NFIB: variants seen among roughly 807,000 people sequenced by gnomAD.
NFIB encodes nuclear factor I B, also known as nuclear factor 1 B-type.
Under a neutral mutation model 61.5 loss-of-function variants are expected in NFIB, and 11 were observed. The observed-to-expected ratio is 0.18, with a 90% CI of 0.11 to 0.30. The LOEUF is 0.30. NFIB is among the 10% of genes least tolerant of loss of function. NFIB has a pLI of 1.00. For missense variants in NFIB, 471 were observed against 608.9 expected (o/e 0.77, Z 2.38); for synonymous variants, 260 against 216.5 (o/e 1.20, Z -1.76).
the NFIB span, among the ~76,000 whole-genome samples, chr9:14,414,327 C>T: frequency 6.7e-6 from 1 of 149,556 alleles, no homozygotes; most frequent in East Asian, 2.0e-4. Context: ...CCTAGCTACT[C>T]GGGAGGCTGA....
intron 2 of NFIB, among the ~76,000 whole-genome samples, chr9:14,295,548 G>A (rs1230201107): frequency 6.6e-6 from 1 of 151,962 alleles, no homozygotes; most frequent in Admixed American, 6.6e-5. Flanking sequence ...GGAGAATGGC[G>A]TGAACCCGGG....
chr9:14,510,181 C>T, the NFIB span, among the ~76,000 whole-genome samples: 1 of 152,334 alleles, frequency 6.6e-6, no homozygotes, highest in Admixed American at 6.5e-5. Context: ...CAGGCGTGAG[C>T]CACCGTGCCC....
At chr9:14,440,392 A>G in the NFIB span, among the ~76,000 whole-genome samples, 1 of 151,886 alleles carries the variant, frequency 6.6e-6, no homozygotes, top group African/African-American at 2.4e-5. Context: ...TAATTGGCCT[A>G]TTTTTTTTAT....
chr9:14,528,942 C>A, the NFIB span, among the ~76,000 whole-genome samples: 1 of 152,092 alleles, frequency 6.6e-6, no homozygotes, highest in Non-Finnish European at 1.5e-5. Flanking sequence ...CAACAGAACT[C>A]TAAATATAGC....
Position 14,112,995 on chromosome 9 carries a change from C to A in NFIB, c.1467+4G>T. The A allele has an allele frequency of 6.5e-7, 1 of 1,549,812 alleles. No homozygotes were observed. The highest frequency in any genetic ancestry group is 8.7e-7 in the Non-Finnish European group (1 of 1,146,624). ...ACCGTCACACCTGGGTGAAACTTGCCCACCTGTTGCTGATGTAGGAAGGAT... is the reference window on the plus strand; with the variant it reads ...ACCGTCACACCTGGGTGAAACTTGCACACCTGTTGCTGATGTAGGAAGGAT... On this transcript the variant is annotated splice_donor_region_variant and intron_variant, in intron 10 of 10. Transcript: ENST00000380953.
At chr9:14,158,574 A>G (rs1401540640) in intron 3 of NFIB, among the ~76,000 whole-genome samples, 2 of 152,214 alleles carry the variant, frequency 1.3e-5, no homozygotes, top group African/African-American at 4.8e-5. Flanking sequence ...CGTTGCCTAT[A>G]TATAGAGTAA....
At chr9:14,513,636 AAAAGAAAAAG>A in the NFIB span, among the ~76,000 whole-genome samples, 28 of 143,776 alleles carry the variant, frequency 1.9e-4, no homozygotes, top group Middle Eastern at 3.8e-3. Context: ...TCAAAAAAAA[AAAAGAAAAAG>A]AAAAGAAAAA....
At chr9:14,112,928 G>T in intron 10 of NFIB, 71 bp downstream of exon 10, 1 of 1,442,324 alleles carries the variant, frequency 6.9e-7, no homozygotes, top group Non-Finnish European at 9.5e-7. Context: ...GTCCGGATCT[G>T]AGAGGCAACA....
chr9:14,316,361 G>A (rs1051188380), upstream of NFIB, among the ~76,000 whole-genome samples: 2 of 151,596 alleles, frequency 1.3e-5, no homozygotes, highest in African/African-American at 4.8e-5. Flanking sequence ...GGGGAGTTCG[G>A]GAGGCCGGGG....
intron 3 of NFIB, among the ~76,000 whole-genome samples, chr9:14,168,262 T>A (rs936348835): frequency 6.6e-6 from 1 of 152,170 alleles, no homozygotes; most frequent in Admixed American, 6.5e-5. Context: ...AGGCATTGCC[T>A]TGGATGATAG....
intron 1 of NFIB, among the ~76,000 whole-genome samples, chr9:14,326,720 T>C (rs1588314309): frequency 1.4e-5 from 2 of 140,488 alleles, no homozygotes; most frequent in Non-Finnish European, 3.1e-5. Flanking sequence ...AAAAAAAGCC[T>C]GCAGTTATGA....
chr9:14,158,469 T>G (rs1209204847), intron 3 of NFIB, among the ~76,000 whole-genome samples: 1 of 152,234 alleles, frequency 6.6e-6, no homozygotes, highest in South Asian at 2.1e-4. Context: ...AGAGATCTGT[T>G]TTCAAGTCTT....
chr9:14,427,951 T>TTTTG, the NFIB span, among the ~76,000 whole-genome samples: 52 of 112,894 alleles, frequency 4.6e-4, no homozygotes, highest in African/African-American at 1.7e-3. Flanking sequence ...TTTTTTTTTT[T>TTTTG]TTTTTTTTTT....
chr9:14,390,032 T>C (rs1289928749), intron 1 of NFIB, among the ~76,000 whole-genome samples: 1 of 152,168 alleles, frequency 6.6e-6, no homozygotes, highest in Non-Finnish European at 1.5e-5. Flanking sequence ...TAAAGTGCCA[T>C]TGTCTTAAAC....
chr9:14,171,768 G>T (rs1045069606), intron 3 of NFIB, among the ~76,000 whole-genome samples: 6 of 152,168 alleles, frequency 3.9e-5, no homozygotes, highest in African/African-American at 1.2e-4. Flanking sequence ...TTAAATTGGA[G>T]TTAACCATGA....
At chr9:14,406,683 A>G in the NFIB span, among the ~76,000 whole-genome samples, 2 of 152,170 alleles carry the variant, frequency 1.3e-5, no homozygotes, top group South Asian at 2.1e-4. Flanking sequence ...TTTCTGCCCA[A>G]TGAAATGTAG....
At chr9:14,506,688 C>T in the NFIB span, among the ~76,000 whole-genome samples, 1 of 152,002 alleles carries the variant, frequency 6.6e-6, no homozygotes, top group Non-Finnish European at 1.5e-5. Context: ...CATTTTCCAT[C>T]CTTACTGTAC....
intron 1 of NFIB, among the ~76,000 whole-genome samples, chr9:14,381,672 G>T (rs1360508907): frequency 3.9e-5 from 6 of 152,148 alleles, no homozygotes; most frequent in South Asian, 4.1e-4. Context: ...TTTTACCTAC[G>T]GCCTAGGACA....
the NFIB span, among the ~76,000 whole-genome samples, chr9:14,497,809 G>T: frequency 6.6e-6 from 1 of 152,184 alleles, no homozygotes; most frequent in Non-Finnish European, 1.5e-5. Context: ...CTTGCAGGAA[G>T]AGTGAGGGTC....
Sources: allele counts gnomAD v4.1 joint callset (sites outside exome capture counted in the v4.1 genomes callset), GRCh38; gene constraint gnomAD v4.1.1; transcripts MANE v1.5; gene names NCBI Gene and HGNC (gene_info 2026-07-23, HGNC 2026-07-21).